The following ART3 variants were observed in gnomAD, a reference collection of about 807,000 sequenced individuals.
ART3 encodes the protein ADP-ribosyltransferase 3 (inactive), also known as ecto-ADP-ribosyltransferase 3.
In ART3, 49 loss-of-function variants were observed where a neutral mutation model predicts 48.5. That is an observed-to-expected ratio of 1.01 (90% CI 0.80 to 1.28). The LOEUF is 1.28. ART3 is among the 50% of genes most tolerant of loss of function. The probability of loss-of-function intolerance (pLI) is 0.00; values close to 1 mark genes in which losing one functional copy is unlikely to be tolerated. For synonymous variants in ART3, 145 were observed against 157.2 expected (o/e 0.92, Z 0.58); for missense variants, 438 against 454.3 (o/e 0.96, Z 0.33).
intron 1 of ART3, 33 bp from the exon 2 acceptor site, chr4:76,075,848 C>A: frequency 1.9e-6 from 3 of 1,541,936 alleles, no homozygotes; most frequent in South Asian, 1.1e-5. Context: ...TTTTTTGAGT[C>A]TACTGAATTG....
intron 1 of ART3, among the ~76,000 whole-genome samples, chr4:76,030,688 G>T (rs1177172199): frequency 1.3e-5 from 2 of 152,028 alleles, no homozygotes; most frequent in Non-Finnish European, 2.9e-5. Context: ...TTGTTTTTAT[G>T]GTTTTGCCTA....
intron 3 of ART3, among the ~76,000 whole-genome samples, chr4:76,084,358 T>G (rs1723113246): frequency 6.6e-6 from 1 of 152,174 alleles, no homozygotes; most frequent in African/African-American, 2.4e-5. Flanking sequence ...ATTTTCTAAG[T>G]CTCTGCATCT....
chr4:76,078,988 G>A (rs1310950500), intron 2 of ART3, among the ~76,000 whole-genome samples: 1 of 152,140 alleles, frequency 6.6e-6, no homozygotes, highest in Non-Finnish European at 1.5e-5. Flanking sequence ...GGCTGAAGCG[G>A]GAGAATGGCG....
chr4:76,096,080 G>C (rs568550772), intron 3 of ART3, among the ~76,000 whole-genome samples: 3 of 151,960 alleles, frequency 2.0e-5, no homozygotes, highest in Non-Finnish European at 4.4e-5. Flanking sequence ...GCACCATCAC[G>C]CTGGACTAAT....
At chr4:76,054,380 A>C (rs1718472772) in intron 1 of ART3, among the ~76,000 whole-genome samples, 1 of 152,196 alleles carries the variant, frequency 6.6e-6, no homozygotes, top group African/African-American at 2.4e-5. Context: ...GTTTGAACTA[A>C]GTGTTATTAA....
chr4:76,067,955 A>G (rs12509988), intron 1 of ART3, among the ~76,000 whole-genome samples: 31,500 of 151,970 alleles, frequency 0.21, 5,583 homozygotes, highest in African/African-American at 0.48. Context: ...CAGTCTCTAA[A>G]ATATAAATAC....
intron 1 of ART3, among the ~76,000 whole-genome samples, chr4:76,052,460 T>G (rs1736204504): frequency 6.6e-6 from 1 of 152,148 alleles, no homozygotes; most frequent in South Asian, 2.1e-4. Context: ...TTTCCTTTCC[T>G]TGTCAGTATA....
chr4:76,063,276 T>C (rs1468289479), intron 1 of ART3, among the ~76,000 whole-genome samples: 3 of 152,206 alleles, frequency 2.0e-5, no homozygotes, highest in Non-Finnish European at 4.4e-5. Context: ...TAAACATTTG[T>C]AGATTAAATG....
intron 1 of ART3, chr4:76,034,417 A>G (rs996309325): frequency 1.1e-5 from 5 of 471,202 alleles, no homozygotes; most frequent in Non-Finnish European, 1.8e-5. Context: ...AGTTGTAAGC[A>G]TCAAATCTAG....
chr4:76,045,168 A>G (rs4386627), intron 1 of ART3, among the ~76,000 whole-genome samples: 93,591 of 151,774 alleles, frequency 0.62, 30,209 homozygotes, highest in East Asian at 0.94. Flanking sequence ...ATGAACTTCC[A>G]TCGGTATATA....
intron 2 of ART3, among the ~76,000 whole-genome samples, chr4:76,079,887 GTCTC>G (rs1266898088): frequency 2.0e-5 from 3 of 150,552 alleles, no homozygotes; most frequent in African/African-American, 7.3e-5. Context: ...CTCTCTCTCT[GTCTC>G]TCTCTCTTTC....
chr4:76,028,934 A>G (rs1020627818), intron 1 of ART3, among the ~76,000 whole-genome samples: 1 of 152,182 alleles, frequency 6.6e-6, no homozygotes, highest in African/African-American at 2.4e-5. Flanking sequence ...TTTTACAAAT[A>G]TGGCAGATTT....
chr4:76,038,374 G>T (rs1328898784), intron 1 of ART3, among the ~76,000 whole-genome samples: 1 of 152,244 alleles, frequency 6.6e-6, no homozygotes, highest in East Asian at 1.9e-4. Context: ...AGTACTATCT[G>T]CAGTTTCAGG....
At chr4:76,088,929 GAC>G (rs1724212416) in intron 3 of ART3, among the ~76,000 whole-genome samples, 1 of 152,064 alleles carries the variant, frequency 6.6e-6, no homozygotes, top group Non-Finnish European at 1.5e-5. Flanking sequence ...TCTGTTTGAT[GAC>G]ATCATAAATT....
intron 1 of ART3, among the ~76,000 whole-genome samples, chr4:76,053,354 T>G (rs1338642335): frequency 1.3e-5 from 2 of 152,170 alleles, no homozygotes; most frequent in Non-Finnish European, 2.9e-5. Flanking sequence ...AAGAGTTTGA[T>G]CTACCATTCC....
At chr4:76,107,710 T>C (rs1333842028) in intron 10 of ART3, 51 bp from the exon 11 acceptor site, 1 of 1,253,114 alleles carries the variant, frequency 8.0e-7, no homozygotes, top group Non-Finnish European at 1.1e-6. Context: ...CTTTCTTTTC[T>C]GGATAAACAG....
Position 76,016,168 on chromosome 4 carries a change from T to C in ART3, c.-10+4848T>C, listed in dbSNP as rs546468127. On this transcript the variant is annotated intron_variant, in intron 1 of 9. Coordinates refer to the ART3 transcript ENST00000341029. Reference sequence around the variant, plus strand: ...TGTTTTTTCTTCAGCACTTTAAATATGTTATGCCATTCTATCCTGGCCTGT... The same window carrying C: ...TGTTTTTTCTTCAGCACTTTAAATACGTTATGCCATTCTATCCTGGCCTGT... Among the ~76,000 whole-genome samples, 183 of 152,340 alleles carry C rather than the reference T, an allele frequency of 1.2e-3. 1 individual carries two copies. Among genetic ancestry groups the C allele is most frequent in the South Asian group, 3.1e-3 (15 of 4,828 alleles).
intron 1 of ART3, among the ~76,000 whole-genome samples, chr4:76,048,481 A>G (rs1735725893): frequency 6.6e-6 from 1 of 151,598 alleles, no homozygotes; most frequent in Non-Finnish European, 1.5e-5. Flanking sequence ...TCCCATCTGA[A>G]AGGCAAAACC....
chr4:76,035,414 T>A, intron 1 of ART3: 1 of 1,499,756 alleles, frequency 6.7e-7, no homozygotes, highest in Admixed American at 2.0e-5. Context: ...TAGCTGGTGG[T>A]GAACGTGAGC....
Sources: gnomAD v4.1 joint callset for allele counts (sites outside exome capture counted in the v4.1 genomes callset) on GRCh38, gnomAD v4.1.1 for gene constraint, MANE v1.5 for transcripts, NCBI Gene and HGNC (gene_info 2026-07-23, HGNC 2026-07-21) for gene names.